Variants in CTBP1 observed in about 807,000 individuals in gnomAD.
CTBP1 encodes C-terminal-binding protein 1.
A neutral mutation model predicts 42.1 loss-of-function variants in CTBP1; 11 were observed. That is an observed-to-expected ratio of 0.26 (90% CI 0.16 to 0.43). The LOEUF (loss-of-function observed/expected upper bound fraction) is 0.43, where lower values mean the gene tolerates loss of function less well. CTBP1 is among the 20% of genes least tolerant of loss of function. The pLI is 1.00. For synonymous variants in CTBP1, 324 were observed against 277.1 expected (o/e 1.17, Z -1.68); for missense variants, 399 against 624.3 (o/e 0.64, Z 3.85).
At chr4:1,214,562 G>A in intron 6 of CTBP1, 89 bp from the exon 7 acceptor site, 1 of 1,457,804 alleles carries the variant, frequency 6.9e-7, no homozygotes, top group Non-Finnish European at 9.1e-7. Context: ...ACGCCGTTGG[G>A]AAGGCCCAGC....
At chr4:1,239,437 G>A (rs1731926081) in intron 2 of CTBP1, among the ~76,000 whole-genome samples, 1 of 152,214 alleles carries the variant, frequency 6.6e-6, no homozygotes, top group African/African-American at 2.4e-5. Flanking sequence ...ACAGAACCAA[G>A]GAGCAGAGTG....
intron 5 of CTBP1, chr4:1,221,846 C>T (rs968979057): frequency 2.3e-6 from 1 of 431,736 alleles, no homozygotes; most frequent in African/African-American, 2.0e-5. Flanking sequence ...GCACCTAAGA[C>T]AGTGCATTTT....
intron 1 of CTBP1, chr4:1,243,001 A>G (rs1046451407): frequency 1.0e-6 from 1 of 985,050 alleles, no homozygotes; most frequent in Admixed American, 6.2e-5. Flanking sequence ...GCCAGCCAAT[A>G]CTCATCAATA....
Position 1,212,319 on chromosome 4 carries a change from G to A in CTBP1, c.1211C>T (p.Ala404Val), listed in dbSNP as rs1372176539. Residue 404 changes from alanine (A) to valine (V), a missense_variant, in exon 10 of 10, where the codon GCC becomes GTC. Around this residue, in one of 4 missense-constraint regions of CTBP1, gnomAD observed 60 missense variants for 46.5 expected, o/e 1.29. Transcript: ENST00000382952. ...MSLSHGLPPV[A>V]HPPHAPSPGQ... ...AGGAGAAGGGGCGTGGGGCGGGTGGGCCACAGGGGGCAGGCCGTGGGACAG... is the reference window on the plus strand; with the variant it reads ...AGGAGAAGGGGCGTGGGGCGGGTGGACCACAGGGGGCAGGCCGTGGGACAG... The A allele has an allele frequency of 7.8e-6, 6 of 768,762 alleles. No homozygotes were observed. Among genetic ancestry groups the A allele is most frequent in the Admixed American group, 2.9e-5 (1 of 34,480 alleles). 47.6% of individuals were successfully genotyped at this position (768,762 alleles called of 1,614,324 possible). A position where few individuals can be genotyped will look rare whatever the true frequency, so the allele number is the denominator to read the frequency against.
intron 2 of CTBP1, among the ~76,000 whole-genome samples, chr4:1,240,361 G>A (rs1732051199): frequency 1.4e-5 from 1 of 73,822 alleles, no homozygotes; most frequent in Non-Finnish European, 2.6e-5. Context: ...ACTCCCGGGT[G>A]CTGGGTGAGT....
At chr4:1,234,018 C>G (rs967495914) in intron 3 of CTBP1, among the ~76,000 whole-genome samples, 1 of 152,214 alleles carries the variant, frequency 6.6e-6, no homozygotes, top group African/African-American at 2.4e-5. Context: ...GTGGCTACCC[C>G]GGGTTCCAGC....
At position 1,235,236 on chromosome 4, in the gene CTBP1, G is replaced by A. The variant is rs1054853690; in HGVS notation, c.162+2947C>T. 2 of 152,146 alleles carry A rather than the reference G, an allele frequency of 1.3e-5. No homozygotes were observed. The highest frequency in any genetic ancestry group is 6.5e-5 in the Admixed American group (1 of 15,280). The allele number at this position is 152,146 out of a possible 1,614,324, so 9.4% of individuals were successfully genotyped here. On this transcript the variant is annotated intron_variant, in intron 3 of 9. Coordinates refer to ENST00000382952, the MANE Select transcript of CTBP1 (RefSeq NM_001012614.2). The surrounding 1 kb of genome is among the most constrained non-coding windows in gnomAD (Gnocchi z 4.2). ...AGGTCTGTGTGTGGACGCGCATTCC[G>A]AGTCTCCGGGATAAAGGAGTGTGGC... is the stretch of plus-strand genomic sequence containing the variant.
At chr4:1,239,577 G>A (rs916089781) in intron 2 of CTBP1, among the ~76,000 whole-genome samples, 3 of 152,224 alleles carry the variant, frequency 2.0e-5, no homozygotes, top group African/African-American at 2.4e-5. Context: ...GCAGGGAAGT[G>A]CCTCCTGGAA....
At chr4:1,227,288 T>A (rs1730457219) in intron 4 of CTBP1, among the ~76,000 whole-genome samples, 1 of 151,830 alleles carries the variant, frequency 6.6e-6, no homozygotes, top group Non-Finnish European at 1.5e-5. Flanking sequence ...TGTGCACAGG[T>A]GCAGATGAGT....
chr4:1,248,604 G>T, intron 1 of CTBP1: 1 of 867,874 alleles, frequency 1.2e-6, no homozygotes, highest in Non-Finnish European at 1.4e-6. Flanking sequence ...GGCTGGGGTC[G>T]GTGGAGCTGG....
intron 1 of CTBP1, chr4:1,248,526 G>A (rs960238304): frequency 1.7e-5 from 5 of 287,010 alleles, no homozygotes; most frequent in Admixed American, 6.5e-5. Context: ...GCCCAGCCAC[G>A]GGGTCATGAC....
Position 1,212,898 on chromosome 4 carries a change from A to G in CTBP1, c.1106+15T>C, listed in dbSNP as rs1268306549. On this transcript the variant is annotated intron_variant, in intron 9 of 9. Coordinates refer to ENST00000382952, the MANE Select transcript of CTBP1 (RefSeq NM_001012614.2). The stretch of plus-strand genomic sequence containing the variant: ...GCCCTCCTGGAGGCTGTTCTGGGCC[A>G]GCGGGCCTGCTCACCTATAGGCAGC... The G allele has an allele frequency of 1.9e-6, 3 of 1,609,272 alleles. No homozygotes were observed. The highest frequency in any genetic ancestry group is 2.5e-6 in the Non-Finnish European group (3 of 1,176,512).
intron 6 of CTBP1, 72 bp from the exon 7 acceptor site, chr4:1,214,545 G>T: frequency 2.0e-6 from 3 of 1,490,744 alleles, no homozygotes; most frequent in Non-Finnish European, 1.8e-6. Context: ...AAGCAAGGTG[G>T]TCACGCACGC....
At chr4:1,247,121 GAGT>G in intron 1 of CTBP1, among the ~76,000 whole-genome samples, 1 of 152,318 alleles carries the variant, frequency 6.6e-6, no homozygotes, top group East Asian at 1.9e-4. Context: ...AATGACAAGC[GAGT>G]AAAAGGGAAG....
chr4:1,214,784 C>G (rs1464076516), intron 6 of CTBP1, among the ~76,000 whole-genome samples: 1 of 152,208 alleles, frequency 6.6e-6, no homozygotes, highest in Non-Finnish European at 1.5e-5. Flanking sequence ...CCTGTGGTAC[C>G]CCTTTTCTGG....
chr4:1,218,567 T>C (rs201825607), intron 5 of CTBP1: 5 of 152,234 alleles, frequency 3.3e-5, no homozygotes, highest in African/African-American at 7.2e-5. Flanking sequence ...GATGTGTCGG[T>C]TGATATTCAA....
At chr4:1,241,736 G>C in intron 1 of CTBP1, 1 of 1,200,604 alleles carries the variant, frequency 8.3e-7, no homozygotes, top group Non-Finnish European at 1.1e-6. Flanking sequence ...GCAGTGCCAG[G>C]CCCGAGGCCG....
intron 8 of CTBP1, 58 bp from the exon 9 acceptor site, chr4:1,213,088 C>T (rs1728715904): frequency 9.7e-6 from 14 of 1,440,480 alleles, no homozygotes; most frequent in South Asian, 3.5e-5. Flanking sequence ...AGGAGCGTGG[C>T]CCACTGGGTT....
In CTBP1 at chr4:1,212,285, G is replaced by T; in HGVS notation, c.1245C>A (p.Thr415=). ...HPPHAPSPGQ[T]VKPEADRDHA... ...GGTCTCTATCCGCCTCGGGCTTGAC[G>T]GTTTGGCCAGGAGAAGGGGCGTGGG... Residue 415 remains threonine (T), a synonymous_variant, in exon 10 of 10, where the codon ACC becomes ACA. Transcript: ENST00000382952. The T allele has an allele frequency of 1.3e-6, 2 of 1,534,384 alleles. No homozygotes were observed. The highest frequency in any genetic ancestry group is 2.6e-5 in the East Asian group (1 of 38,198).
Sources: gnomAD v4.1 joint callset for allele counts (sites outside exome capture counted in the v4.1 genomes callset) on GRCh38, gnomAD v4.1.1 for gene constraint, gnomAD v4.1.1 regional missense constraint, Gnocchi (gnomAD v3.1) non-coding constraint, MANE v1.5 for transcripts, NCBI Gene and HGNC (gene_info 2026-07-23, HGNC 2026-07-21) for gene names.